ERBB4: variants seen among roughly 807,000 people sequenced by gnomAD.
ERBB4 encodes erb-b2 receptor tyrosine kinase 4.
In ERBB4, 42 loss-of-function variants were observed where a neutral mutation model predicts 158.0. The ratio of observed to expected loss-of-function variants is 0.27; its 90% CI spans 0.21 to 0.34. The LOEUF (loss-of-function observed/expected upper bound fraction) is 0.34. Among genes scored for constraint, ERBB4 ranks in the 10% least tolerant of loss-of-function variants. The probability of loss-of-function intolerance (pLI) is 1.00; values close to 1 mark genes in which losing one functional copy is unlikely to be tolerated. For synonymous variants in ERBB4, 583 were observed against 558.7 expected, an observed-to-expected ratio of 1.04 and a Z score of -0.61; for missense variants, 1,333 against 1,624.1, an observed-to-expected ratio of 0.82 and a Z score of 3.08.
intron 3 of ERBB4, among the ~76,000 whole-genome samples, chr2:211,830,412 C>T (rs979480812): frequency 6.6e-6 from 1 of 152,110 alleles, no homozygotes; most frequent in African/African-American, 2.4e-5. Flanking sequence ...TCCTATGACA[C>T]CCTTTCTTTA....
At chr2:211,685,384 G>T (rs563911809) in intron 12 of ERBB4, among the ~76,000 whole-genome samples, 16 of 152,198 alleles carry the variant, frequency 1.1e-4, no homozygotes, top group Middle Eastern at 3.4e-3. Flanking sequence ...TGCTTTAAAG[G>T]CTACCCTTCC....
At chr2:211,393,155 C>T (rs933175038) in intron 25 of ERBB4, among the ~76,000 whole-genome samples, 1 of 152,120 alleles carries the variant, frequency 6.6e-6, no homozygotes, top group African/African-American at 2.4e-5. Context: ...TTTCTTAAGT[C>T]AGTCCTCAAA....
At chr2:211,995,845 T>C (rs562503612) in intron 2 of ERBB4, among the ~76,000 whole-genome samples, 7 of 152,296 alleles carry the variant, frequency 4.6e-5, no homozygotes, top group South Asian at 4.1e-4. Flanking sequence ...ATATTGTGTA[T>C]TCCCATATTC....
At chr2:211,485,309 G>A (rs185246287) in intron 20 of ERBB4, among the ~76,000 whole-genome samples, 15 of 152,288 alleles carry the variant, frequency 9.8e-5, no homozygotes, top group Admixed American at 9.8e-4. Flanking sequence ...AAGTCAAGAT[G>A]TAACAGTCTG....
At chr2:211,441,927 G>A (rs976515299) in intron 20 of ERBB4, among the ~76,000 whole-genome samples, 24 of 152,040 alleles carry the variant, frequency 1.6e-4, no homozygotes, top group African/African-American at 5.6e-4. Context: ...GGTAGCCATG[G>A]GAAATTGACA....
At chr2:211,710,077 A>G (rs2073635932) in intron 9 of ERBB4, among the ~76,000 whole-genome samples, 1 of 152,168 alleles carries the variant, frequency 6.6e-6, no homozygotes, top group Admixed American at 6.6e-5. Context: ...GAGAATTATA[A>G]TAATTAAAAC....
Position 211,395,093 on chromosome 2 carries a change from A to C in ERBB4, c.3136-7101T>G, listed in dbSNP as rs16846036. On this transcript the variant is annotated intron_variant, in intron 25 of 27. Coordinates refer to ENST00000342788, the MANE Select transcript of ERBB4 (RefSeq NM_005235.3). ...ATATTGTAAAATGTGATTAACATTAAAGCAAAGTATCTTATAAAGTTTTCT... is the reference window on the plus strand; with the variant it reads ...ATATTGTAAAATGTGATTAACATTACAGCAAAGTATCTTATAAAGTTTTCT... Among the ~76,000 whole-genome samples the C allele has an allele frequency of 5.1e-3, 780 of 152,234 alleles. 19 individuals carry two copies. The East Asian group carries it at 0.065, about 13-fold the overall frequency.
intron 19 of ERBB4, among the ~76,000 whole-genome samples, chr2:211,591,530 G>C (rs2068463417): frequency 6.6e-6 from 1 of 152,116 alleles, no homozygotes; most frequent in Non-Finnish European, 1.5e-5. Flanking sequence ...CATCCACTGC[G>C]ACCTAATTTA....
intron 1 of ERBB4, among the ~76,000 whole-genome samples, chr2:212,538,188 C>T (rs1693213621): frequency 6.6e-6 from 1 of 152,094 alleles, no homozygotes; most frequent in African/African-American, 2.4e-5. Context: ...GGCTCCCAAA[C>T]AAAACGCTCG....
chr2:211,387,683 C>T lies in ERBB4; in HGVS notation c.3183+262G>A, dbSNP rs59523187. 1.4e-3 allele frequency among the ~76,000 whole-genome samples: 206 copies of T among 152,280 alleles called. 1 individual carries two copies. The highest frequency in any genetic ancestry group is 4.8e-3 in the African/African-American group (199 of 41,556). On this transcript the variant is annotated intron_variant, in intron 26 of 27. Coordinates refer to ENST00000342788, the MANE Select transcript of ERBB4 (RefSeq NM_005235.3). Reference sequence around the variant, plus strand: ...ATAATCAGGGAAGTAAAGATCACCTCCACATCCAGAAGCATAATTTATGTG... The same window carrying T: ...ATAATCAGGGAAGTAAAGATCACCTTCACATCCAGAAGCATAATTTATGTG...
At chr2:211,900,169 C>G (rs1206076308) in intron 3 of ERBB4, among the ~76,000 whole-genome samples, 1 of 152,088 alleles carries the variant, frequency 6.6e-6, no homozygotes, top group Non-Finnish European at 1.5e-5. Flanking sequence ...TAAAGTGATT[C>G]CTAAATACGA....
intron 20 of ERBB4, among the ~76,000 whole-genome samples, chr2:211,479,527 A>C (rs2065032574): frequency 6.6e-6 from 1 of 152,216 alleles, no homozygotes; most frequent in Non-Finnish European, 1.5e-5. Flanking sequence ...ATAGATCCAC[A>C]GCACAAAGCA....
intron 3 of ERBB4, among the ~76,000 whole-genome samples, chr2:211,814,486 T>C (rs1484568304): frequency 2.0e-5 from 3 of 152,136 alleles, no homozygotes. Context: ...ATAATTAGAA[T>C]AGTATAGAGG....
At chr2:212,525,369 G>A (rs1692393975) in intron 1 of ERBB4, among the ~76,000 whole-genome samples, 1 of 151,786 alleles carries the variant, frequency 6.6e-6, no homozygotes, top group African/African-American at 2.4e-5. Context: ...GAAGCTATCT[G>A]AAAAAAATTA....
At chr2:212,346,481 C>G (rs985720086) in intron 1 of ERBB4, among the ~76,000 whole-genome samples, 5 of 136,426 alleles carry the variant, frequency 3.7e-5, no homozygotes, top group Admixed American at 1.4e-4. Context: ...TTCCTTCATA[C>G]CAAGCACTAA....
chr2:211,991,795 C>A (rs1188857471), intron 2 of ERBB4, among the ~76,000 whole-genome samples: 2 of 152,088 alleles, frequency 1.3e-5, no homozygotes, highest in African/African-American at 4.8e-5. Context: ...TGAAGAGAAG[C>A]ATTTTCACAT....
At chr2:212,334,977 TA>T (rs2088358106) in intron 1 of ERBB4, among the ~76,000 whole-genome samples, 1 of 151,972 alleles carries the variant, frequency 6.6e-6, no homozygotes, top group South Asian at 2.1e-4. Flanking sequence ...TATATTTGGA[TA>T]AATTCTTGAA....
intron 1 of ERBB4, among the ~76,000 whole-genome samples, chr2:212,286,767 A>T (rs527739360): frequency 2.5e-4 from 10 of 39,562 alleles, no homozygotes; most frequent in South Asian, 1.7e-3. Context: ...ATGAGGGTTA[A>T]TTTTTTTTTT....
Position 211,947,487 on chromosome 2 carries a change from T to C in ERBB4, c.364A>G (p.Asn122Asp). The C allele has an allele frequency of 1.2e-6, 2 of 1,613,906 alleles. No individual in the cohort carries two copies. Among genetic ancestry groups the C allele is most frequent in the Non-Finnish European group, 1.7e-6 (2 of 1,179,918 alleles). Residue 122 changes from asparagine (N) to aspartate (D), a missense_variant, in exon 3 of 28, where the codon AAC (asparagine) becomes GAC (aspartate). By Grantham distance (23) the Asn-to-Asp change is conservative. Around this residue, in one of 5 missense-constraint regions of ERBB4, gnomAD observed 438 missense variants for 586.9 expected, o/e 0.75. Transcript: ENST00000342788. ...CCAAAGTTTCCATCTTTTCTGTAGTTTAAAAATATTGCCAAGGCATATCGA... is the reference window on the plus strand; with the variant it reads ...CCAAAGTTTCCATCTTTTCTGTAGTCTAAAAATATTGCCAAGGCATATCGA... ...EDRYALAIFL[N>D]YRKDGNFGLQ...
Sources: allele counts gnomAD v4.1 joint callset (sites outside exome capture counted in the v4.1 genomes callset), GRCh38; gene constraint gnomAD v4.1.1; regional missense constraint gnomAD v4.1.1; transcripts MANE v1.5; gene names NCBI Gene and HGNC (gene_info 2026-07-23, HGNC 2026-07-21).